TTLL11: variants seen among roughly 807,000 people sequenced by gnomAD.
TTLL11 encodes the protein tubulin tyrosine ligase like 11, also known as tubulin polyglutamylase TTLL11.
In TTLL11, 42 loss-of-function variants were observed where a neutral mutation model predicts 51.7. The ratio of observed to expected loss-of-function variants is 0.81; its 90% CI spans 0.64 to 1.05. The LOEUF is 1.05. Among genes scored for constraint, TTLL11 ranks in the 50% least tolerant of loss-of-function variants. The pLI is 0.00. For missense variants in TTLL11, 799 were observed against 940.4 expected, an observed-to-expected ratio of 0.85 and a Z score of 1.97; for synonymous variants, 381 against 383.5, an observed-to-expected ratio of 0.99 and a Z score of 0.08.
chr9:122,055,564 A>G (rs1365843687), intron 1 of TTLL11, among the ~76,000 whole-genome samples: 1 of 152,242 alleles, frequency 6.6e-6, no homozygotes, highest in East Asian at 1.9e-4. Context: ...ACACACTCAC[A>G]GACACACCCA....
chr9:121,917,641 G>GAGGAAAGGA (rs1840389253), intron 6 of TTLL11, among the ~76,000 whole-genome samples: 1 of 141,154 alleles, frequency 7.1e-6, no homozygotes, highest in Admixed American at 7.2e-5. Context: ...GGAGGGAAGG[G>GAGGAAAGGA]AGGGAAGGAA....
chr9:121,959,202 G>T (rs1449955744), intron 6 of TTLL11, among the ~76,000 whole-genome samples: 3 of 152,126 alleles, frequency 2.0e-5, no homozygotes, highest in Non-Finnish European at 2.9e-5. Flanking sequence ...GTCAGGATCT[G>T]AACCCAGACC....
intron 3 of TTLL11, among the ~76,000 whole-genome samples, chr9:122,001,669 G>A (rs1029236545): frequency 6.6e-6 from 1 of 152,110 alleles, no homozygotes. Flanking sequence ...CAGAGCTGGT[G>A]CTTCTGGGCA....
chr9:122,042,372 A>G (rs1844871034), intron 1 of TTLL11, among the ~76,000 whole-genome samples: 2 of 152,242 alleles, frequency 1.3e-5, no homozygotes, highest in Non-Finnish European at 2.9e-5. Context: ...TCACAATGAG[A>G]TACCACCAGC....
At chr9:122,045,638 T>C (rs1010261670) in intron 1 of TTLL11, among the ~76,000 whole-genome samples, 1 of 152,086 alleles carries the variant, frequency 6.6e-6, no homozygotes, top group Non-Finnish European at 1.5e-5. Context: ...AGCCAAAATG[T>C]AGAAAAAGCC....
In TTLL11 at chr9:121,989,297, G is replaced by A. The variant is rs778158498; in HGVS notation, c.1167C>T (p.Ile389=). The A allele has an allele frequency of 6.2e-7, 1 of 1,614,080 alleles. No homozygotes were observed. The highest frequency in any genetic ancestry group is 1.3e-5 in the African/African-American group (1 of 74,942). The change falls in exon 4 of 9, where the codon ATC becomes ATT. Residue 389 remains isoleucine (I), a synonymous_variant. Coordinates refer to ENST00000321582, the MANE Select transcript of TTLL11 (RefSeq NM_001139442.2). This position sits in a 1 kb window ranked among gnomAD's most constrained non-coding sequence, Gnocchi z 4.2. ...TGACCGTCTTAATCACCACGGAGAT[G>A]ATGTCAGACCAGACCTTCTTGATGT... ...GVDIKKVWSD[I]ISVVIKTVIA...
intron 1 of TTLL11, among the ~76,000 whole-genome samples, chr9:122,084,386 T>C (rs1259095583): frequency 6.6e-6 from 1 of 152,080 alleles, no homozygotes; most frequent in African/African-American, 2.4e-5. Flanking sequence ...CAAACACGCA[T>C]GCAAATGGCA....
chr9:121,843,311 T>C lies in TTLL11; in HGVS notation c.1840+17026A>G, dbSNP rs866593430. Among the ~76,000 whole-genome samples, 12 of 152,240 alleles carry C rather than the reference T, an allele frequency of 7.9e-5. 1 individual carries two copies. In the South Asian group the frequency reaches 1.7e-3, roughly 21 times the overall value. The stretch of plus-strand genomic sequence containing the variant: ...GGACAAGCCACCACCCTAAAAACCA[T>C]TGAGACCTGTGAATATAGAGAATCA... On this transcript the variant is annotated intron_variant, in intron 8 of 8. Transcript: ENST00000321582.
chr9:121,969,165 C>T (rs1027358853), intron 6 of TTLL11, among the ~76,000 whole-genome samples: 2 of 152,244 alleles, frequency 1.3e-5, no homozygotes, highest in East Asian at 1.9e-4. Flanking sequence ...CCACCGTGCC[C>T]GGCCTCTCAT....
chr9:121,864,960 T>C (rs1489225073), intron 7 of TTLL11, among the ~76,000 whole-genome samples: 2 of 152,204 alleles, frequency 1.3e-5, no homozygotes, highest in Non-Finnish European at 2.9e-5. Flanking sequence ...GCTTTTTTTT[T>C]CTTCTGGAGA....
At chr9:121,897,647 C>CGA (rs1554766741) in intron 6 of TTLL11, among the ~76,000 whole-genome samples, 1 of 152,044 alleles carries the variant, frequency 6.6e-6, no homozygotes, top group Non-Finnish European at 1.5e-5. Flanking sequence ...CACACGCGCG[C>CGA]GCGAAGTCTC....
Position 122,092,880 on chromosome 9 carries a change from G to C in TTLL11, c.269C>G (p.Pro90Arg). The part of the protein sequence containing the change: ...VLQRPPPTLP[P>R]SKPKPVQGLC... ...GCCCTGCACCGGCTTCGGCTTGGAC[G>C]GGGGCAGCGTGGGCGGCGGCCGCTG... is the stretch of plus-strand genomic sequence containing the variant. Residue 90 changes from proline (P) to arginine (R), a missense_variant, in exon 1 of 9, where the codon CCG (proline) becomes CGG (arginine). Physicochemically the swap from Pro to Arg is moderately radical, Grantham distance 103. Coordinates refer to ENST00000321582, the MANE Select transcript of TTLL11 (RefSeq NM_001139442.2). 1.9e-6 allele frequency: 3 copies of C among 1,570,394 alleles called. No individual in the cohort carries two copies. Among genetic ancestry groups the C allele is most frequent in the Non-Finnish European group, 1.7e-6 (2 of 1,165,922 alleles).
At position 121,853,800 on chromosome 9, in the gene TTLL11, C is replaced by G. The variant is rs1296748375; in HGVS notation, c.1840+6537G>C. Among the ~76,000 whole-genome samples the G allele has an allele frequency of 1.3e-5, 2 of 152,204 alleles. No individual in the cohort carries two copies. Among genetic ancestry groups the G allele is most frequent in the East Asian group, 3.9e-4 (2 of 5,190 alleles). On this transcript the variant is annotated intron_variant, in intron 8 of 8. Coordinates refer to ENST00000321582, the MANE Select transcript of TTLL11 (RefSeq NM_001139442.2). This position sits in a 1 kb window ranked among gnomAD's most constrained non-coding sequence, Gnocchi z 5.6. ...ACTCTGTCAGCCACCAAGGGAGAGT[C>G]TGTTGCGGCCACGTCCTGACCCTCT... is the stretch of plus-strand genomic sequence containing the variant.
At chr9:122,005,036 C>T (rs909580107) in intron 3 of TTLL11, among the ~76,000 whole-genome samples, 1 of 152,162 alleles carries the variant, frequency 6.6e-6, no homozygotes, top group African/African-American at 2.4e-5. Flanking sequence ...TCAAGAGGGC[C>T]TAACTGCTCC....
At chr9:122,026,241 C>A (rs1233584280) in intron 3 of TTLL11, among the ~76,000 whole-genome samples, 1 of 151,978 alleles carries the variant, frequency 6.6e-6, no homozygotes, top group Admixed American at 6.5e-5. Context: ...GAGTTGGAGA[C>A]CAGCCTGGCC....
chr9:121,852,656 G>T (rs1318371644), intron 8 of TTLL11, among the ~76,000 whole-genome samples: 1 of 152,180 alleles, frequency 6.6e-6, no homozygotes, highest in African/African-American at 2.4e-5. Flanking sequence ...GGGGCAGCGG[G>T]TGTGACTCCA....
At chr9:122,042,188 T>G (rs1250265000) in intron 1 of TTLL11, among the ~76,000 whole-genome samples, 4 of 152,212 alleles carry the variant, frequency 2.6e-5, no homozygotes, top group African/African-American at 4.8e-5. Flanking sequence ...CTAATTCTTG[T>G]ATTTTTAGTA....
At chr9:121,939,762 G>A (rs933162498) in intron 6 of TTLL11, among the ~76,000 whole-genome samples, 9 of 152,072 alleles carry the variant, frequency 5.9e-5, no homozygotes, top group African/African-American at 1.7e-4. Context: ...TGAGATAATC[G>A]CTGGTGCTCA....
chr9:121,857,906 C>T (rs1235197176), intron 8 of TTLL11, among the ~76,000 whole-genome samples: 1 of 152,156 alleles, frequency 6.6e-6, no homozygotes, highest in Non-Finnish European at 1.5e-5. Flanking sequence ...TGCTGCTACT[C>T]CTGATCAATT....
Sources: allele counts gnomAD v4.1 joint callset (sites outside exome capture counted in the v4.1 genomes callset), GRCh38; gene constraint gnomAD v4.1.1; non-coding constraint Gnocchi (gnomAD v3.1); transcripts MANE v1.5; gene names NCBI Gene and HGNC (gene_info 2026-07-23, HGNC 2026-07-21).